The following MAP2K5 variants were observed in gnomAD, a reference collection of about 807,000 sequenced individuals.
MAP2K5 encodes dual specificity mitogen-activated protein kinase kinase 5.
MAP2K5 carries 49 observed loss-of-function variants against 83.1 expected under a neutral mutation model. That is an observed-to-expected ratio of 0.59 (90% confidence interval 0.47 to 0.75). The LOEUF (loss-of-function observed/expected upper bound fraction) is 0.75, where lower values mean the gene tolerates loss of function less well. Among genes scored for constraint, MAP2K5 ranks in the 30% least tolerant of loss-of-function variants. The pLI is 0.00. For missense variants in MAP2K5, 457 were observed against 557.5 expected, an observed-to-expected ratio of 0.82 and a Z score of 1.82; for synonymous variants, 202 against 191.8, an observed-to-expected ratio of 1.05 and a Z score of -0.44.
At chr15:67,560,324 ACT>A (rs2084708641) in intron 2 of MAP2K5, among the ~76,000 whole-genome samples, 1 of 152,218 alleles carries the variant, frequency 6.6e-6, no homozygotes, top group Admixed American at 6.5e-5. Flanking sequence ...TACTTTTCTA[ACT>A]CAGTTTCCTC....
chr15:67,543,363 C>G lies in MAP2K5; in HGVS notation c.28C>G (p.Pro10Ala). The G allele has an allele frequency of 6.2e-7, 1 of 1,614,232 alleles. No individual in the cohort carries two copies. The highest frequency in any genetic ancestry group is 8.5e-7 in the Non-Finnish European group (1 of 1,180,036). ...GCTGTGGCTAGCCCTTGGCCCCTTT[C>G]CTGCCATGGAGAACCAGGTGCTGGT... The part of the protein sequence containing the change: MLWLALGPF[P>A]AMENQVLVIR... Residue 10 changes from proline to alanine, a missense_variant, in exon 1 of 22, where the codon CCT becomes GCT. By Grantham distance (27) the Pro-to-Ala change is conservative (BLOSUM62 -1). This residue lies in a region of MAP2K5 where 234 missense variants were observed against 243.6 expected (regional missense o/e 0.96). Transcript: ENST00000178640. The surrounding 1 kb of genome is among the most constrained non-coding windows in gnomAD (Gnocchi z 4.3).
chr15:67,776,684 T>C (rs767443157), intron 21 of MAP2K5, among the ~76,000 whole-genome samples: 12 of 152,228 alleles, frequency 7.9e-5, no homozygotes, highest in Non-Finnish European at 1.6e-4. Flanking sequence ...TGTTTAAATA[T>C]TTTTAAATAA....
chr15:67,659,172 ATAAAC>A, intron 12 of MAP2K5: 1 of 185,230 alleles, frequency 5.4e-6, no homozygotes, highest in Non-Finnish European at 1.1e-5. Context: ...GATGAAATAT[ATAAAC>A]TAAACTAACA....
At chr15:67,613,878 A>C (rs1044978991) in intron 8 of MAP2K5, among the ~76,000 whole-genome samples, 2 of 151,860 alleles carry the variant, frequency 1.3e-5, no homozygotes, top group Admixed American at 1.3e-4. Context: ...AGGTGCATTT[A>C]CTCTTTGACC....
chr15:67,789,196 T>G (rs2090471393), intron 21 of MAP2K5, among the ~76,000 whole-genome samples: 1 of 152,198 alleles, frequency 6.6e-6, no homozygotes, highest in African/African-American at 2.4e-5. Context: ...ACCTTATTCT[T>G]AATGGCTGTA....
chr15:67,730,774 G>C (rs531558546), intron 17 of MAP2K5, among the ~76,000 whole-genome samples: 9 of 152,244 alleles, frequency 5.9e-5, no homozygotes, highest in African/African-American at 2.2e-4. Context: ...AGTCTAATCA[G>C]GGCACCAGAC....
At chr15:67,629,434 A>G (rs972068267) in intron 8 of MAP2K5, among the ~76,000 whole-genome samples, 2 of 152,252 alleles carry the variant, frequency 1.3e-5, no homozygotes, top group East Asian at 1.9e-4. Flanking sequence ...GCTAAATGCA[A>G]TAGTCTGATC....
intron 21 of MAP2K5, among the ~76,000 whole-genome samples, chr15:67,791,971 A>G (rs1372957131): frequency 6.6e-6 from 1 of 152,242 alleles, no homozygotes; most frequent in African/African-American, 2.4e-5. Flanking sequence ...TATAAAAGTC[A>G]GGGCAATTCT....
In MAP2K5 at chr15:67,748,648, G is replaced by A. The variant is rs1201248881; in HGVS notation, c.1134+47G>A. On this transcript the variant is annotated intron_variant, in intron 19 of 21. Transcript: ENST00000178640. This position sits in a 1 kb window ranked among gnomAD's most constrained non-coding sequence, Gnocchi z 4.0. ...TTTCACTCCTAAAGTCATTCCTAATGGTGTGGAAAGCTTATATTTTGTTTC... is the reference window on the plus strand; with the variant it reads ...TTTCACTCCTAAAGTCATTCCTAATAGTGTGGAAAGCTTATATTTTGTTTC... 4 of 1,573,768 alleles carry A rather than the reference G, an allele frequency of 2.5e-6. No individual in the cohort carries two copies. The highest frequency in any genetic ancestry group is 2.2e-5 in the East Asian group (1 of 44,668).
rs1180096146 is a variant in MAP2K5 at position 67,652,726 on chromosome 15, A to G, written c.737-5827A>G. On this transcript the variant is annotated intron_variant, in intron 11 of 21. Coordinates refer to ENST00000178640, the MANE Select transcript of MAP2K5 (RefSeq NM_145160.3). The surrounding 1 kb of genome is among the most constrained non-coding windows in gnomAD (Gnocchi z 4.2). ...ACATGGTTGTGCAACTGTCACCACCATCCATCTGCAGAACTCTTTTTGTCT... is the reference window on the plus strand; with the variant it reads ...ACATGGTTGTGCAACTGTCACCACCGTCCATCTGCAGAACTCTTTTTGTCT... Among the ~76,000 whole-genome samples the G allele has an allele frequency of 1.3e-5, 2 of 152,192 alleles. No individual in the cohort carries two copies. Among genetic ancestry groups the G allele is most frequent in the Non-Finnish European group, 1.5e-5 (1 of 68,034 alleles).
At chr15:67,647,225 C>G (rs1254679020) in intron 11 of MAP2K5, among the ~76,000 whole-genome samples, 12 of 152,134 alleles carry the variant, frequency 7.9e-5, no homozygotes, top group Non-Finnish European at 1.5e-5. Flanking sequence ...CCCTGCAAAA[C>G]TTTAATGAGC....
intron 11 of MAP2K5, among the ~76,000 whole-genome samples, chr15:67,649,894 A>AT (rs2086913600): frequency 6.6e-6 from 1 of 152,186 alleles, no homozygotes; most frequent in Admixed American, 6.5e-5. Flanking sequence ...TCCAGCTGGG[A>AT]TTTTGATAAG....
intron 3 of MAP2K5, among the ~76,000 whole-genome samples, chr15:67,566,596 C>T (rs959831667): frequency 2.0e-5 from 3 of 152,128 alleles, no homozygotes; most frequent in Admixed American, 2.0e-4. Flanking sequence ...TTTAATCATT[C>T]TTTTTCATTG....
chr15:67,750,703 C>T lies in MAP2K5; in HGVS notation c.1134+2102C>T, dbSNP rs1208983695. On this transcript the variant is annotated intron_variant, in intron 19 of 21. Transcript: ENST00000178640. This position sits in a 1 kb window ranked among gnomAD's most constrained non-coding sequence, Gnocchi z 4.2. ...TTCTCAAACTTCCCTAACTGCTTGC[C>T]AGGGCTAAGTCTTCCCCTTTAGTTC... Among the ~76,000 whole-genome samples, 2 of 152,174 alleles carry T rather than the reference C, an allele frequency of 1.3e-5. No individual in the cohort carries two copies. Among genetic ancestry groups the T allele is most frequent in the Non-Finnish European group, 2.9e-5 (2 of 68,032 alleles).
intron 7 of MAP2K5, among the ~76,000 whole-genome samples, chr15:67,597,832 A>G (rs1461339914): frequency 6.6e-6 from 1 of 152,170 alleles, no homozygotes; most frequent in Admixed American, 6.5e-5. Flanking sequence ...TTTTTACATG[A>G]GGAGTATTTG....
At chr15:67,657,587 G>A (rs530523353) in intron 11 of MAP2K5, among the ~76,000 whole-genome samples, 53 of 151,670 alleles carry the variant, frequency 3.5e-4, no homozygotes, top group African/African-American at 1.3e-3. Flanking sequence ...AGCACCGAGA[G>A]CCAAAGTGTA....
At chr15:67,754,747 G>C (rs1427274556) in intron 19 of MAP2K5, among the ~76,000 whole-genome samples, 3 of 152,134 alleles carry the variant, frequency 2.0e-5, no homozygotes, top group African/African-American at 7.2e-5. Flanking sequence ...AGGTATCTAA[G>C]TGTGAGGCAG....
rs2090307215 is a variant in MAP2K5, at chr15:67,780,265, C to G, written c.1242+7513C>G. 8.3e-6 allele frequency among the ~76,000 whole-genome samples: 1 copy of G among 119,864 alleles called. No individual in the cohort carries two copies. Among genetic ancestry groups the G allele is most frequent in the Non-Finnish European group, 1.7e-5 (1 of 59,054 alleles). 78.6% of individuals were successfully genotyped at this position (119,864 alleles called of 152,430 possible). On this transcript the variant is annotated intron_variant, in intron 21 of 21. Coordinates refer to ENST00000178640, the MANE Select transcript of MAP2K5 (RefSeq NM_145160.3). The surrounding 1 kb of genome is among the most constrained non-coding windows in gnomAD (Gnocchi z 5.0). ...GATCAAAGAAGCTCTGGCCAGGGAGCAGATACTTTTTTTTTTTTTTAACCT... is the reference window on the plus strand; with the variant it reads ...GATCAAAGAAGCTCTGGCCAGGGAGGAGATACTTTTTTTTTTTTTTAACCT...
At chr15:67,566,142 T>G (rs949555596) in intron 3 of MAP2K5, among the ~76,000 whole-genome samples, 10 of 152,128 alleles carry the variant, frequency 6.6e-5, no homozygotes, top group African/African-American at 2.4e-4. Context: ...TTTTTATTGT[T>G]TTTTGCAAAA....
Sources: gnomAD v4.1 joint callset for allele counts (sites outside exome capture counted in the v4.1 genomes callset) on GRCh38, gnomAD v4.1.1 for gene constraint, gnomAD v4.1.1 regional missense constraint, Gnocchi (gnomAD v3.1) non-coding constraint, MANE v1.5 for transcripts, NCBI Gene and HGNC (gene_info 2026-07-23, HGNC 2026-07-21) for gene names.